ERBB4: variants seen among roughly 807,000 people sequenced by gnomAD.
ERBB4 encodes receptor tyrosine-protein kinase erbB-4.
Under a neutral mutation model 158.0 loss-of-function variants are expected in ERBB4, and 42 were observed. The observed-to-expected ratio is 0.27, with a 90% CI of 0.21 to 0.34. ERBB4 has a LOEUF of 0.34. ERBB4 is among the 10% of genes least tolerant of loss of function. ERBB4 has a pLI of 1.00. For missense variants in ERBB4, 1,333 were observed against 1,624.1 expected, an observed-to-expected ratio of 0.82 and a Z score of 3.08; for synonymous variants, 583 against 558.7, an observed-to-expected ratio of 1.04 and a Z score of -0.61.
chr2:212,044,547 G>T (rs1175873515), intron 2 of ERBB4, among the ~76,000 whole-genome samples: 1 of 151,856 alleles, frequency 6.6e-6, no homozygotes, highest in Non-Finnish European at 1.5e-5. Flanking sequence ...CCACATTCAG[G>T]ATTACTCCTC....
At chr2:211,783,040 T>C (rs1326895764) in intron 4 of ERBB4, among the ~76,000 whole-genome samples, 1 of 152,190 alleles carries the variant, frequency 6.6e-6, no homozygotes, top group East Asian at 1.9e-4. Flanking sequence ...CCTATTTTAT[T>C]TCATTGAGCA....
At chr2:211,541,889 A>G (rs1284841869) in intron 20 of ERBB4, among the ~76,000 whole-genome samples, 1 of 152,058 alleles carries the variant, frequency 6.6e-6, no homozygotes, top group African/African-American at 2.4e-5. Flanking sequence ...TAACACTCAC[A>G]TCTCTACCAG....
In ERBB4 at chr2:211,586,911, A is replaced by C. The variant is rs1202545955; in HGVS notation, c.2302-24823T>G. ...GTTCTGGATTAAATGATGTCTCCCA[A>C]GAAAAATATATATTGAAGTCCTAAC... is the stretch of plus-strand genomic sequence containing the variant. On this transcript the variant is annotated intron_variant, in intron 19 of 27. Transcript: ENST00000342788. Among the ~76,000 whole-genome samples, 35 of 152,176 alleles carry C rather than the reference A, an allele frequency of 2.3e-4. 1 individual carries two copies. Among genetic ancestry groups the C allele is most frequent in the Non-Finnish European group, 4.4e-5 (3 of 68,030 alleles).
At chr2:212,237,037 T>C (rs1041838386) in intron 1 of ERBB4, among the ~76,000 whole-genome samples, 1 of 152,164 alleles carries the variant, frequency 6.6e-6, no homozygotes, top group African/African-American at 2.4e-5. Context: ...CTTGCTTCTC[T>C]AGTTCTTTTA....
At chr2:211,911,186 T>G (rs745607053) in intron 3 of ERBB4, among the ~76,000 whole-genome samples, 1 of 152,230 alleles carries the variant, frequency 6.6e-6, no homozygotes, top group Admixed American at 6.6e-5. Context: ...AAGTATTAAT[T>G]TGAAGAGCCC....
At chr2:212,415,660 T>G (rs1039714635) in intron 1 of ERBB4, among the ~76,000 whole-genome samples, 1 of 152,198 alleles carries the variant, frequency 6.6e-6, no homozygotes, top group African/African-American at 2.4e-5. Flanking sequence ...TTAGAAGACA[T>G]TGATATACTA....
intron 19 of ERBB4, among the ~76,000 whole-genome samples, chr2:211,564,568 C>T (rs553245747): frequency 3.9e-5 from 6 of 152,266 alleles, no homozygotes; most frequent in African/African-American, 7.2e-5. Flanking sequence ...GAATTTTACA[C>T]CTAGCAGCAT....
Position 212,003,205 on chromosome 2 carries a change from GACA to G in ERBB4, c.235-55592_235-55590del, listed in dbSNP as rs1559293898. Among the ~76,000 whole-genome samples the G allele has an allele frequency of 2.2e-3, 100 of 44,800 alleles. 2 individuals are homozygous for G. Among genetic ancestry groups the G allele is most frequent in the South Asian group, 5.0e-3 (6 of 1,194 alleles). The allele number at this position is 44,800 out of a possible 152,430, so 29.4% of individuals were successfully genotyped here. ...AGAAAGAAAGAAAGAAAGAAAGAAA[GACA>G]GAAAGAAGGAAGGAAGGAAGGAAGG... On this transcript the variant is annotated intron_variant, in intron 2 of 27. Transcript: ENST00000342788.
chr2:212,169,857 T>C (rs2081461345), intron 1 of ERBB4, among the ~76,000 whole-genome samples: 1 of 152,168 alleles, frequency 6.6e-6, no homozygotes, highest in African/African-American at 2.4e-5. Context: ...TTGCCTCTTC[T>C]CCTTCCTCCA....
chr2:211,944,176 ACTATAT>A (rs2080595365), intron 3 of ERBB4, among the ~76,000 whole-genome samples: 1 of 16,292 alleles, frequency 6.1e-5, no homozygotes, highest in African/African-American at 1.7e-4. Flanking sequence ...ATATATATAT[ACTATAT>A]ATATATATAT....
At chr2:211,875,854 T>TA (rs1164205326) in intron 3 of ERBB4, among the ~76,000 whole-genome samples, 1 of 152,334 alleles carries the variant, frequency 6.6e-6, no homozygotes, top group East Asian at 1.9e-4. Flanking sequence ...TACATTTTGT[T>TA]ACAATTGCTT....
Position 211,492,070 on chromosome 2 carries a change from G to GA in ERBB4, c.2488-60971dup, listed in dbSNP as rs35459917. On this transcript the variant is annotated intron_variant, in intron 20 of 27. Coordinates refer to ENST00000342788, the MANE Select transcript of ERBB4 (RefSeq NM_005235.3). ...GCAAAGACGTGCAAACTCACCTTAA[G>GA]AAAAAAAAAAAGAATTAAGCAAGTG... Among the ~76,000 whole-genome samples the GA allele has an allele frequency of 1.7e-3, 248 of 144,978 alleles. 1 individual carries two copies. Among genetic ancestry groups the GA allele is most frequent in the African/African-American group, 4.6e-3 (185 of 39,948 alleles).
At chr2:211,387,844 G>A (rs2062718549) in intron 26 of ERBB4, 101 bp downstream of exon 26, 1 of 919,574 alleles carries the variant, frequency 1.1e-6, no homozygotes, top group Non-Finnish European at 1.8e-6. Flanking sequence ...ACTCACTGTT[G>A]GCAAAGGCAA....
At chr2:212,218,286 G>C (rs2083168274) in intron 1 of ERBB4, among the ~76,000 whole-genome samples, 1 of 151,194 alleles carries the variant, frequency 6.6e-6, no homozygotes, top group Non-Finnish European at 1.5e-5. Flanking sequence ...TCTATCAGGA[G>C]GCTTATTCAG....
chr2:211,745,064 G>A (rs1314269810), intron 5 of ERBB4, among the ~76,000 whole-genome samples: 1 of 152,138 alleles, frequency 6.6e-6, no homozygotes, highest in Non-Finnish European at 1.5e-5. Flanking sequence ...CATGTTTTCT[G>A]ATTTTTTAAA....
intron 2 of ERBB4, among the ~76,000 whole-genome samples, chr2:212,060,960 A>AATAAAT (rs2077744754): frequency 1.4e-5 from 1 of 72,450 alleles, no homozygotes; most frequent in Admixed American, 1.1e-4. Context: ...AAAGTATGAT[A>AATAAAT]ATAAATAAAT....
intron 3 of ERBB4, among the ~76,000 whole-genome samples, chr2:211,913,647 GTGTGTGTGTGTA>G (rs1439631843): frequency 1.6e-4 from 22 of 141,338 alleles, no homozygotes; most frequent in Non-Finnish European, 2.2e-4. Context: ...GTGTGTGTGT[GTGTGTGTGTGTA>G]TGTGTGTATG....
At chr2:212,384,897 A>G (rs1436374232) in intron 1 of ERBB4, among the ~76,000 whole-genome samples, 2 of 134,158 alleles carry the variant, frequency 1.5e-5, no homozygotes, top group African/African-American at 6.0e-5. Flanking sequence ...TGGAATATAT[A>G]TATATATATA....
chr2:212,193,921 T>C (rs1664147408), intron 1 of ERBB4, among the ~76,000 whole-genome samples: 1 of 152,012 alleles, frequency 6.6e-6, no homozygotes, highest in African/African-American at 2.4e-5. Context: ...ATACTAAGGT[T>C]ATTTTTTCCT....
Sources: allele counts gnomAD v4.1 joint callset (sites outside exome capture counted in the v4.1 genomes callset), GRCh38; gene constraint gnomAD v4.1.1; transcripts MANE v1.5; gene names NCBI Gene and HGNC (gene_info 2026-07-23, HGNC 2026-07-21).